HS6ST3: variants seen among roughly 807,000 people sequenced by gnomAD.
HS6ST3 encodes the protein heparan-sulfate 6-O-sulfotransferase 3.
A neutral mutation model predicts 36.7 loss-of-function variants in HS6ST3; 12 were observed. That is an observed-to-expected ratio of 0.33 (90% CI 0.21 to 0.53). The LOEUF (loss-of-function observed/expected upper bound fraction) is 0.53. Among genes scored for constraint, HS6ST3 ranks in the 20% least tolerant of loss-of-function variants. The pLI is 0.95. For missense variants in HS6ST3, 584 were observed against 640.9 expected (o/e 0.91, Z 0.96); for synonymous variants, 240 against 257.5 (o/e 0.93, Z 0.65).
intron 1 of HS6ST3, among the ~76,000 whole-genome samples, chr13:96,307,038 T>C (rs557618428): frequency 6.6e-6 from 1 of 152,224 alleles, no homozygotes; most frequent in East Asian, 1.9e-4. Context: ...AAATAGATGA[T>C]TTAATAGCAG....
intron 1 of HS6ST3, among the ~76,000 whole-genome samples, chr13:96,522,950 T>G (rs2056099517): frequency 6.6e-6 from 1 of 152,184 alleles, no homozygotes; most frequent in African/African-American, 2.4e-5. Context: ...CAGTTTCTTC[T>G]TAGCCTCGAT....
intron 1 of HS6ST3, among the ~76,000 whole-genome samples, chr13:96,697,722 T>G (rs557237675): frequency 2.6e-5 from 4 of 152,176 alleles, no homozygotes; most frequent in Non-Finnish European, 4.4e-5. Context: ...CCTCTATGAC[T>G]TTTTCGATAA....
At chr13:96,216,106 A>G (rs1169149119) in intron 1 of HS6ST3, among the ~76,000 whole-genome samples, 1 of 152,162 alleles carries the variant, frequency 6.6e-6, no homozygotes, top group African/African-American at 2.4e-5. Context: ...CCATCCAACA[A>G]TCATAGAATT....
chr13:96,604,880 G>T (rs556798218), intron 1 of HS6ST3, among the ~76,000 whole-genome samples: 1 of 152,298 alleles, frequency 6.6e-6, no homozygotes, highest in African/African-American at 2.4e-5. Flanking sequence ...GGGAGCAGAT[G>T]TCGGTTTAAT....
chr13:96,754,869 T>C (rs1164884695), intron 1 of HS6ST3, among the ~76,000 whole-genome samples: 3 of 152,126 alleles, frequency 2.0e-5, no homozygotes, highest in African/African-American at 7.2e-5. Context: ...ATATTACATA[T>C]TACATTATAG....
intron 1 of HS6ST3, among the ~76,000 whole-genome samples, chr13:96,406,252 G>A (rs1156567636): frequency 3.9e-5 from 6 of 152,292 alleles, no homozygotes; most frequent in African/African-American, 1.4e-4. Flanking sequence ...TGAAAACAAT[G>A]TAAAATCATT....
At chr13:96,141,139 A>G (rs544647703) in intron 1 of HS6ST3, among the ~76,000 whole-genome samples, 4 of 152,204 alleles carry the variant, frequency 2.6e-5, no homozygotes, top group Non-Finnish European at 5.9e-5. Context: ...GGCTAACTCT[A>G]CTGTTCTGTG....
chr13:96,428,191 CA>C (rs1297736148), intron 1 of HS6ST3, among the ~76,000 whole-genome samples: 2 of 151,674 alleles, frequency 1.3e-5, no homozygotes, highest in African/African-American at 2.4e-5. Context: ...ACTAAAAATA[CA>C]AAAAAAATTA....
At chr13:96,265,463 A>G (rs1032206058) in intron 1 of HS6ST3, among the ~76,000 whole-genome samples, 1 of 152,188 alleles carries the variant, frequency 6.6e-6, no homozygotes, top group African/African-American at 2.4e-5. Context: ...TATAGGCATG[A>G]GACACCGTGT....
At chr13:96,210,458 C>T (rs940603685) in intron 1 of HS6ST3, among the ~76,000 whole-genome samples, 2 of 152,218 alleles carry the variant, frequency 1.3e-5, no homozygotes, top group African/African-American at 2.4e-5. Context: ...CAGCAATCTC[C>T]TGCTCACATA....
chr13:96,280,673 A>G (rs1268103930), intron 1 of HS6ST3, among the ~76,000 whole-genome samples: 1 of 152,186 alleles, frequency 6.6e-6, no homozygotes, highest in Non-Finnish European at 1.5e-5. Flanking sequence ...GGATGTATTT[A>G]CAGTTGCAGA....
chr13:96,340,469 G>A (rs2055124499), intron 1 of HS6ST3, among the ~76,000 whole-genome samples: 1 of 152,192 alleles, frequency 6.6e-6, no homozygotes, highest in Admixed American at 6.5e-5. Context: ...AGTACAGAAG[G>A]CAGCATTTGA....
chr13:96,658,268 C>CTTCTTTTT (rs1566422902), intron 1 of HS6ST3, among the ~76,000 whole-genome samples: 2 of 76,186 alleles, frequency 2.6e-5, no homozygotes, highest in Non-Finnish European at 4.9e-5. Flanking sequence ...TCTTCTTCTT[C>CTTCTTTTT]TTTTTTTTTT....
At chr13:96,436,469 T>C (rs1286733207) in intron 1 of HS6ST3, among the ~76,000 whole-genome samples, 1 of 152,160 alleles carries the variant, frequency 6.6e-6, no homozygotes, top group African/African-American at 2.4e-5. Context: ...AACACACCGA[T>C]GTTATTGGTC....
intron 1 of HS6ST3, among the ~76,000 whole-genome samples, chr13:96,146,228 C>G (rs1210230601): frequency 6.6e-6 from 1 of 152,124 alleles, no homozygotes; most frequent in Non-Finnish European, 1.5e-5. Context: ...GGCACTGAAT[C>G]TCTAAATTAC....
At position 96,243,186 on chromosome 13, in the gene HS6ST3, G is replaced by T. The variant is rs192593214; in HGVS notation, c.707+151617G>T. The stretch of plus-strand genomic sequence containing the variant: ...TTACACATGTAGTACATCTCAATTT[G>T]GACTAAACACCTTTGAAGTGCTGCG... On this transcript the variant is annotated intron_variant, in intron 1 of 1. Coordinates refer to ENST00000376705, the MANE Select transcript of HS6ST3 (RefSeq NM_153456.4). Among the ~76,000 whole-genome samples the T allele has an allele frequency of 1.4e-3, 208 of 152,252 alleles. 2 individuals are homozygous for T. Among genetic ancestry groups the T allele is most frequent in the African/African-American group, 4.7e-3 (196 of 41,546 alleles).
At chr13:96,212,324 A>G (rs2054403049) in intron 1 of HS6ST3, among the ~76,000 whole-genome samples, 1 of 152,172 alleles carries the variant, frequency 6.6e-6, no homozygotes, top group East Asian at 1.9e-4. Context: ...ATGAAAGCCT[A>G]TTTTCATTGT....
At chr13:96,786,206 T>G (rs1004152294) in intron 1 of HS6ST3, among the ~76,000 whole-genome samples, 1 of 152,164 alleles carries the variant, frequency 6.6e-6, no homozygotes, top group South Asian at 2.1e-4. Flanking sequence ...GCCCTTTGCG[T>G]GAATGGTTCA....
chr13:96,146,431 T>A (rs2054058668), intron 1 of HS6ST3, among the ~76,000 whole-genome samples: 1 of 152,154 alleles, frequency 6.6e-6, no homozygotes. Context: ...TGAATGGGAG[T>A]GCACTCATGA....
Sources: gnomAD v4.1 joint callset for allele counts (sites outside exome capture counted in the v4.1 genomes callset) on GRCh38, gnomAD v4.1.1 for gene constraint, MANE v1.5 for transcripts, NCBI Gene and HGNC (gene_info 2026-07-23, HGNC 2026-07-21) for gene names.